Variants in SPON1 observed in about 807,000 individuals in gnomAD.
SPON1 encodes spondin-1.
SPON1 carries 52 observed loss-of-function variants against 111.7 expected under a neutral mutation model. The ratio of observed to expected loss-of-function variants is 0.47; its 90% confidence interval spans 0.37 to 0.59. The LOEUF is 0.59. Among genes scored for constraint, SPON1 ranks in the 20% least tolerant of loss-of-function variants. The probability of loss-of-function intolerance (pLI) is 0.00; values close to 1 mark genes in which losing one functional copy is unlikely to be tolerated. For synonymous variants in SPON1, 410 were observed against 395.8 expected (o/e 1.04, Z -0.43); for missense variants, 957 against 1,068.5 (o/e 0.90, Z 1.46).
Position 14,261,704 on chromosome 11 carries a change from T to C in SPON1, c.1996+952T>C, listed in dbSNP as rs533938757. Among the ~76,000 whole-genome samples, 4 of 152,266 alleles carry C rather than the reference T, an allele frequency of 2.6e-5. No individual in the cohort carries two copies. The South Asian group carries it at 8.3e-4, about 32-fold the overall frequency. Reference sequence around the variant, plus strand: ...TTCAGTAACTAAGATTGGCCCATGGTTCAGGCCAGCTCACCAGAGTTGGGG... The same window carrying C: ...TTCAGTAACTAAGATTGGCCCATGGCTCAGGCCAGCTCACCAGAGTTGGGG... On this transcript the variant is annotated intron_variant, in intron 14 of 15. Transcript: ENST00000576479.
intron 6 of SPON1, among the ~76,000 whole-genome samples, chr11:14,193,680 TGA>T (rs1196490509): frequency 6.6e-6 from 1 of 152,178 alleles, no homozygotes; most frequent in Non-Finnish European, 1.5e-5. Flanking sequence ...CAAGCAGAGC[TGA>T]GACTCTGCCT....
chr11:14,085,458 A>C (rs1218792275), intron 5 of SPON1, among the ~76,000 whole-genome samples: 1 of 152,034 alleles, frequency 6.6e-6, no homozygotes, highest in Non-Finnish European at 1.5e-5. Context: ...AGAGGGTTGT[A>C]GATGTGTGGT....
chr11:14,149,090 T>C (rs964136061), intron 6 of SPON1, among the ~76,000 whole-genome samples: 7 of 152,156 alleles, frequency 4.6e-5, no homozygotes, highest in Non-Finnish European at 8.8e-5. Context: ...TTTTTTAAGT[T>C]AGCTATAAAA....
chr11:14,093,490 A>G (rs1468486789), intron 5 of SPON1, among the ~76,000 whole-genome samples: 3 of 152,224 alleles, frequency 2.0e-5, no homozygotes, highest in African/African-American at 7.2e-5. Context: ...ATCGGTTTTA[A>G]TGCTGTTTAA....
At chr11:14,069,464 G>A (rs1473030182) in intron 3 of SPON1, among the ~76,000 whole-genome samples, 6 of 151,900 alleles carry the variant, frequency 3.9e-5, no homozygotes, top group Non-Finnish European at 8.8e-5. Context: ...CAGAGCCGCC[G>A]CCATCATCTC....
At chr11:14,087,890 G>A (rs782285996) in intron 5 of SPON1, among the ~76,000 whole-genome samples, 10 of 152,138 alleles carry the variant, frequency 6.6e-5, no homozygotes, top group Non-Finnish European at 2.9e-5. Context: ...TTACCATTCT[G>A]TAGTGCCCTT....
chr11:14,077,244 C>G (rs1179823137), intron 4 of SPON1, among the ~76,000 whole-genome samples: 1 of 152,170 alleles, frequency 6.6e-6, no homozygotes, highest in Non-Finnish European at 1.5e-5. Context: ...TGTCCTCCGA[C>G]AGTCAAACTG....
chr11:14,046,201 C>CCCCTTTACAGG (rs1554917812), intron 3 of SPON1, among the ~76,000 whole-genome samples: 1 of 152,106 alleles, frequency 6.6e-6, no homozygotes, highest in Non-Finnish European at 1.5e-5. Flanking sequence ...GAGAGGACCA[C>CCCCTTTACAGG]CCCTTTACAG....
At position 14,160,867 on chromosome 11, in the gene SPON1, ATTTTTATATT is replaced by A. The variant is rs1564919638; in HGVS notation, c.825+25303_825+25312del. ...TTTATATATTTATATATATTTATAT[ATTTTTATATT>A]TTTATATATTTATATATATTTATAT... On this transcript the variant is annotated intron_variant, in intron 6 of 15. Coordinates refer to ENST00000576479, the MANE Select transcript of SPON1 (RefSeq NM_006108.4). 7.7e-5 allele frequency among the ~76,000 whole-genome samples: 3 copies of A among 39,148 alleles called. 1 individual carries two copies. The highest frequency in any genetic ancestry group is 3.1e-4 in the African/African-American group (3 of 9,654). The allele number at this position is 39,148 out of a possible 152,430, so 25.7% of individuals were successfully genotyped here.
intron 6 of SPON1, among the ~76,000 whole-genome samples, chr11:14,160,306 A>T (rs1847894809): frequency 7.1e-6 from 1 of 140,532 alleles, no homozygotes; most frequent in South Asian, 2.2e-4. Flanking sequence ...CACTAAGTCA[A>T]AAATACACTT....
intron 3 of SPON1, among the ~76,000 whole-genome samples, chr11:14,059,516 A>G (rs1554919613): frequency 2.0e-5 from 3 of 152,080 alleles, no homozygotes; most frequent in Non-Finnish European, 4.4e-5. Context: ...AGCACCTACT[A>G]TGTGCCAGGC....
chr11:14,198,687 C>T (rs908226072), intron 6 of SPON1, among the ~76,000 whole-genome samples: 4 of 152,184 alleles, frequency 2.6e-5, no homozygotes, highest in East Asian at 1.9e-4. Context: ...GCACCTCTTT[C>T]GGGGTAAATA....
chr11:14,059,553 A>G (rs1848774544), intron 3 of SPON1, among the ~76,000 whole-genome samples: 1 of 152,088 alleles, frequency 6.6e-6, no homozygotes, highest in Non-Finnish European at 1.5e-5. Context: ...GGAGGAAAGG[A>G]GAAAAAACAA....
At chr11:14,005,152 G>T (rs1554912960) in intron 2 of SPON1, among the ~76,000 whole-genome samples, 1 of 152,112 alleles carries the variant, frequency 6.6e-6, no homozygotes, top group East Asian at 1.9e-4. Flanking sequence ...TATTACAAAG[G>T]CCAATGTTGA....
At chr11:14,020,986 T>C (rs976615080) in intron 2 of SPON1, among the ~76,000 whole-genome samples, 1 of 152,146 alleles carries the variant, frequency 6.6e-6, no homozygotes, top group African/African-American at 2.4e-5. Context: ...TTAAAAAGAT[T>C]TGGCAGATTT....
At chr11:14,022,588 C>A (rs1376112703) in intron 2 of SPON1, among the ~76,000 whole-genome samples, 1 of 152,160 alleles carries the variant, frequency 6.6e-6, no homozygotes, top group Admixed American at 6.5e-5. Context: ...CTGTTTCCTC[C>A]TCTATAAAAT....
chr11:14,028,923 G>C (rs142892222), intron 2 of SPON1, among the ~76,000 whole-genome samples: 12 of 152,226 alleles, frequency 7.9e-5, no homozygotes, highest in Middle Eastern at 3.4e-3. Context: ...CATTTCACCT[G>C]GTTTGAAGGA....
chr11:14,194,289 A>G (rs1848377862), intron 6 of SPON1, among the ~76,000 whole-genome samples: 1 of 152,228 alleles, frequency 6.6e-6, no homozygotes, highest in African/African-American at 2.4e-5. Context: ...GTCCTTACAC[A>G]GCATACACCT....
chr11:13,963,600 C>A (rs1227465020), intron 1 of SPON1, among the ~76,000 whole-genome samples: 2 of 152,214 alleles, frequency 1.3e-5, no homozygotes, highest in Non-Finnish European at 2.9e-5. Flanking sequence ...GTACCCGATT[C>A]TCAAAGACTG....
Sources: allele counts gnomAD v4.1 joint callset (sites outside exome capture counted in the v4.1 genomes callset), GRCh38; gene constraint gnomAD v4.1.1; transcripts MANE v1.5; gene names NCBI Gene and HGNC (gene_info 2026-07-23, HGNC 2026-07-21).